The following SLC4A4 variants were observed in gnomAD, a reference collection of about 807,000 sequenced individuals.
SLC4A4 encodes the protein solute carrier family 4 member 4, also known as electrogenic sodium bicarbonate cotransporter 1.
SLC4A4 carries 27 observed loss-of-function variants against 111.5 expected under a neutral mutation model. That is an observed-to-expected ratio of 0.24 (90% CI 0.18 to 0.33). The LOEUF is 0.33. Among genes scored for constraint, SLC4A4 ranks in the 10% least tolerant of loss-of-function variants. SLC4A4 has a pLI of 1.00. For synonymous variants in SLC4A4, 443 were observed against 463.4 expected (o/e 0.96, Z 0.57); for missense variants, 909 against 1,315.5 (o/e 0.69, Z 4.78).
At chr4:71,546,190 G>A (rs1007609052) in intron 18 of SLC4A4, among the ~76,000 whole-genome samples, 160 bp from the exon 19 acceptor site, 1 of 151,958 alleles carries the variant, frequency 6.6e-6, no homozygotes, top group African/African-American at 2.4e-5. Context: ...ATTGCTAGGG[G>A]GAATAATACA....
In SLC4A4 at chr4:71,569,260, A is replaced by G. The variant is rs1324268886; in HGVS notation, c.*1509A>G. 3 of 151,742 alleles carry G rather than the reference A, an allele frequency of 2.0e-5. No individual in the cohort carries two copies. The East Asian group carries it at 5.8e-4, about 30-fold the overall frequency. 9.4% of individuals were successfully genotyped at this position (151,742 alleles called of 1,614,324 possible). A position where few individuals can be genotyped will look rare whatever the true frequency, so the allele number is the denominator to read the frequency against. Reference sequence around the variant, plus strand: ...CCAGGTATCAGTCATTATAATTGATATAATAGCTCTAACATGCAATATAAA... The same window carrying G: ...CCAGGTATCAGTCATTATAATTGATGTAATAGCTCTAACATGCAATATAAA... On this transcript the variant is annotated 3_prime_UTR_variant, in exon 26 of 26. Coordinates refer to ENST00000264485, the MANE Select transcript of SLC4A4 (RefSeq NM_001098484.3).
chr4:71,215,051 A>G (rs943621628), intron 1 of SLC4A4, among the ~76,000 whole-genome samples: 2 of 152,234 alleles, frequency 1.3e-5, no homozygotes, highest in Non-Finnish European at 2.9e-5. Flanking sequence ...TCTTATTAGC[A>G]ACTAGGCATG....
intron 14 of SLC4A4, among the ~76,000 whole-genome samples, chr4:71,479,267 A>G (rs1244544268): frequency 1.3e-5 from 2 of 151,692 alleles, no homozygotes; most frequent in Non-Finnish European, 3.0e-5. Flanking sequence ...TTTTCCTGGT[A>G]TAAAACTGTA....
At chr4:71,410,406 A>G (rs934403277) in intron 7 of SLC4A4, among the ~76,000 whole-genome samples, 1 of 152,158 alleles carries the variant, frequency 6.6e-6, no homozygotes, top group African/African-American at 2.4e-5. Flanking sequence ...GTCAGAGGAG[A>G]TCATTTTGGA....
intron 7 of SLC4A4, among the ~76,000 whole-genome samples, chr4:71,398,436 G>T (rs1411285724): frequency 6.6e-6 from 1 of 152,126 alleles, no homozygotes; most frequent in Non-Finnish European, 1.5e-5. Flanking sequence ...GAGCAATCAG[G>T]TTTTGAATAT....
At chr4:71,173,021 G>A (rs1002477508) in intron 2 of SLC4A4, among the ~76,000 whole-genome samples, 3 of 152,132 alleles carry the variant, frequency 2.0e-5, no homozygotes, top group Non-Finnish European at 4.4e-5. Flanking sequence ...TGTTACCAGT[G>A]CATGGGAAAT....
At chr4:71,423,011 T>C (rs1427320442) in intron 7 of SLC4A4, among the ~76,000 whole-genome samples, 3 of 152,072 alleles carry the variant, frequency 2.0e-5, no homozygotes, top group Non-Finnish European at 4.4e-5. Context: ...GAGAAGGAAA[T>C]AAAGGGTATT....
intron 1 of SLC4A4, among the ~76,000 whole-genome samples, chr4:71,073,028 A>G (rs1271562553): frequency 6.6e-6 from 1 of 152,060 alleles, no homozygotes; most frequent in Non-Finnish European, 1.5e-5. Flanking sequence ...TGGTCTCCCA[A>G]AGTTCTGGGA....
chr4:71,349,895 T>G lies in SLC4A4; in HGVS notation c.390-17T>G, dbSNP rs769514361. ...TAGAACACTTTTAATTGCTCTTCAC[T>G]AATCTCATCTTCCTAGGTGGATCAA... On this transcript the variant is annotated splice_polypyrimidine_tract_variant and intron_variant, in intron 4 of 25. Transcript: ENST00000264485. 1 of 1,613,802 alleles carries G rather than the reference T, an allele frequency of 6.2e-7. No individual in the cohort carries two copies. The highest frequency in any genetic ancestry group is 8.5e-7 in the Non-Finnish European group (1 of 1,179,764).
intron 2 of SLC4A4, among the ~76,000 whole-genome samples, chr4:71,247,222 T>C (rs1273385367): frequency 6.8e-6 from 1 of 148,088 alleles, no homozygotes; most frequent in East Asian, 1.9e-4. Flanking sequence ...AATATTTACA[T>C]CAATATTTTA....
At chr4:71,304,583 G>A (rs1725537984) in intron 3 of SLC4A4, among the ~76,000 whole-genome samples, 1 of 152,192 alleles carries the variant, frequency 6.6e-6, no homozygotes, top group Non-Finnish European at 1.5e-5. Flanking sequence ...TTTACCAGCT[G>A]TCTGGGCATT....
chr4:71,207,494 C>G (rs1223843833), intron 1 of SLC4A4, among the ~76,000 whole-genome samples: 2 of 152,116 alleles, frequency 1.3e-5, no homozygotes, highest in Non-Finnish European at 2.9e-5. Flanking sequence ...TATGATTTCC[C>G]AACATTTGGT....
chr4:71,322,976 T>C (rs1560409611), intron 3 of SLC4A4, among the ~76,000 whole-genome samples: 1 of 151,930 alleles, frequency 6.6e-6, no homozygotes, highest in Non-Finnish European at 1.5e-5. Context: ...TGGCCAGTCC[T>C]GGTTCAGAAC....
intron 2 of SLC4A4, among the ~76,000 whole-genome samples, chr4:71,097,688 T>C (rs1742598521): frequency 6.6e-6 from 1 of 152,202 alleles, no homozygotes; most frequent in African/African-American, 2.4e-5. Flanking sequence ...CAGCGTCTGT[T>C]ATTTTTTTGA....
At position 71,536,485 on chromosome 4, in the gene SLC4A4, T is replaced by TATATATATATATATAA. The variant is rs760037325; in HGVS notation, c.2442+2099_2442+2100insATATATATATATAAAT. Among the ~76,000 whole-genome samples the TATATATATATATATAA allele has an allele frequency of 3.2e-3, 269 of 83,712 alleles. 3 individuals are homozygous for TATATATATATATATAA. The highest frequency in any genetic ancestry group is 7.8e-3 in the African/African-American group (154 of 19,704). The allele number at this position is 83,712 out of a possible 152,430, so 54.9% of individuals were successfully genotyped here. ...ATATACATATATATATATATATATA[T>TATATATATATATATAA]ATGTATATATTTATTTATTTATTTA... On this transcript the variant is annotated intron_variant, in intron 18 of 25. Coordinates refer to ENST00000264485, the MANE Select transcript of SLC4A4 (RefSeq NM_001098484.3).
At chr4:71,207,788 A>C (rs1717857706) in intron 1 of SLC4A4, among the ~76,000 whole-genome samples, 1 of 151,998 alleles carries the variant, frequency 6.6e-6, no homozygotes, top group African/African-American at 2.4e-5. Flanking sequence ...TTTTCATTTG[A>C]GTTTAGGAAA....
intron 1 of SLC4A4, among the ~76,000 whole-genome samples, chr4:71,191,314 G>T (rs1381903248): frequency 1.3e-5 from 2 of 152,192 alleles, no homozygotes; most frequent in African/African-American, 4.8e-5. Flanking sequence ...CTCTGTAGTT[G>T]TTTGTGTAAA....
chr4:71,120,063 G>A (rs72648763), intron 2 of SLC4A4, among the ~76,000 whole-genome samples: 6,003 of 152,148 alleles, frequency 0.039, 169 homozygotes, highest in Non-Finnish European at 0.063. Flanking sequence ...TTATCTCTGT[G>A]TCTGATAATA....
chr4:71,416,351 A>C (rs559058080), intron 7 of SLC4A4, among the ~76,000 whole-genome samples: 324 of 152,368 alleles, frequency 2.1e-3, no homozygotes, highest in Admixed American at 4.2e-3. Flanking sequence ...TTTACAAATC[A>C]GGAACAGTAA....
Sources: allele counts gnomAD v4.1 joint callset (sites outside exome capture counted in the v4.1 genomes callset), GRCh38; gene constraint gnomAD v4.1.1; transcripts MANE v1.5; gene names NCBI Gene and HGNC (gene_info 2026-07-23, HGNC 2026-07-21).